Variants in ZDHHC6 observed in about 807,000 individuals in gnomAD.
The protein encoded by ZDHHC6 is zDHHC palmitoyltransferase 6, also known as palmitoyltransferase ZDHHC6.
A neutral mutation model predicts 57.8 loss-of-function variants in ZDHHC6; 32 were observed. That is an observed-to-expected ratio of 0.55 (90% CI 0.42 to 0.74). The LOEUF is 0.74. Among genes scored for constraint, ZDHHC6 ranks in the 30% least tolerant of loss-of-function variants. The probability of loss-of-function intolerance (pLI) is 0.00; values close to 1 mark genes in which losing one functional copy is unlikely to be tolerated. For synonymous variants in ZDHHC6, 128 were observed against 158.0 expected (o/e 0.81, Z 1.42); for missense variants, 433 against 500.7 (o/e 0.86, Z 1.29).
chr10:112,434,481 T>C lies in ZDHHC6; in HGVS notation c.736-17A>G, dbSNP rs1308977595. 6.2e-7 allele frequency: 1 copy of C among 1,602,942 alleles called. No homozygotes were observed. The highest frequency in any genetic ancestry group is 1.7e-5 in the Admixed American group (1 of 58,694). Reference sequence around the variant, plus strand: ...ATCTTTAGCCTGTGGGTAACAAAGATATAAGATGGCAGGTGCCTCTGTCTA... The same window carrying C: ...ATCTTTAGCCTGTGGGTAACAAAGACATAAGATGGCAGGTGCCTCTGTCTA... On this transcript the variant is annotated splice_polypyrimidine_tract_variant and intron_variant, in intron 6 of 10. Coordinates refer to ENST00000369405, the MANE Select transcript of ZDHHC6 (RefSeq NM_022494.3).
chr10:112,431,168 C>G (rs1844988171), intron 10 of ZDHHC6, among the ~76,000 whole-genome samples: 1 of 152,156 alleles, frequency 6.6e-6, no homozygotes, highest in Non-Finnish European at 1.5e-5. Flanking sequence ...TAACTAGAGT[C>G]AGGGGGAACT....
upstream of ZDHHC6, chr10:112,447,198 A>G (rs1054714257): frequency 8.0e-5 from 48 of 599,746 alleles, no homozygotes; most frequent in Admixed American, 4.4e-4. Flanking sequence ...CAATTTCCGG[A>G]GAACCGAGAT....
chr10:112,437,447 G>C (rs983858551), intron 6 of ZDHHC6, among the ~76,000 whole-genome samples: 1 of 152,142 alleles, frequency 6.6e-6, no homozygotes, highest in Non-Finnish European at 1.5e-5. Context: ...CACTTGTCAA[G>C]TTTTCAATGT....
At chr10:112,438,212 G>A (rs1444365927) in intron 6 of ZDHHC6, 124 bp downstream of exon 6, 3 of 654,108 alleles carry the variant, frequency 4.6e-6, no homozygotes, top group African/African-American at 3.8e-5. Flanking sequence ...TGGCAGCCAT[G>A]TTTTCACTTT....
intron 6 of ZDHHC6, 52 bp from the exon 7 acceptor site, chr10:112,434,516 C>T (rs1273841090): frequency 7.2e-6 from 11 of 1,534,176 alleles, no homozygotes; most frequent in Non-Finnish European, 9.7e-6. Flanking sequence ...AAGTGGCCTG[C>T]AGTAATATGT....
downstream of ZDHHC6, chr10:112,426,875 G>C (rs141799855): frequency 8.2e-4 from 1,288 of 1,578,866 alleles, 5 homozygotes; most frequent in Admixed American, 1.4e-3. Flanking sequence ...TGCTACCACT[G>C]ATGTTATACT....
At chr10:112,427,411 G>T (rs1844776127), downstream of ZDHHC6, 5 of 1,482,848 alleles carry the variant, frequency 3.4e-6, no homozygotes, top group African/African-American at 2.9e-5. Context: ...GTGAGAAAAT[G>T]GATTAAAAAC....
chr10:112,425,090 T>C, exon 12 of ZDHHC6: 1 of 305,318 alleles, frequency 3.3e-6, no homozygotes, highest in Non-Finnish European at 6.0e-6. Flanking sequence ...ATAACTCCAG[T>C]AGATCCAGGA....
upstream of ZDHHC6, chr10:112,447,276 C>A: frequency 7.5e-7 from 1 of 1,332,366 alleles, no homozygotes. Context: ...CTCTCGGGGG[C>A]ACCTTCCGGG....
intron 10 of ZDHHC6, 54 bp downstream of exon 10, chr10:112,432,186 T>G: frequency 6.5e-7 from 1 of 1,530,398 alleles, no homozygotes; most frequent in Non-Finnish European, 8.8e-7. Context: ...CTTGTAAAAT[T>G]TGGAATTATT....
chr10:112,434,215 C>G, intron 7 of ZDHHC6, 82 bp downstream of exon 7: 1 of 1,371,600 alleles, frequency 7.3e-7, no homozygotes, highest in Admixed American at 2.5e-5. Context: ...TATTTTACTA[C>G]AAAATGTCAC....
In ZDHHC6 at chr10:112,434,277, A is replaced by T; in HGVS notation, c.903+20T>A. 2 of 1,538,498 alleles carry T rather than the reference A, an allele frequency of 1.3e-6. No homozygotes were observed. Among genetic ancestry groups the T allele is most frequent in the Non-Finnish European group, 1.8e-6 (2 of 1,139,590 alleles). ...GAAGGCGAGGCAAAAAGGAAGGGCTATTTGAACAAAAATACTCACTGTTAA... is the reference window on the plus strand; with the variant it reads ...GAAGGCGAGGCAAAAAGGAAGGGCTTTTTGAACAAAAATACTCACTGTTAA... On this transcript the variant is annotated intron_variant, in intron 7 of 10. Transcript: ENST00000369405.
chr10:112,439,212 CAAT>C (rs896682416), intron 5 of ZDHHC6, among the ~76,000 whole-genome samples: 1 of 146,936 alleles, frequency 6.8e-6, no homozygotes, highest in African/African-American at 2.5e-5. Flanking sequence ...AAACAAACAA[CAAT>C]AAAAAAATAA....
downstream of ZDHHC6, chr10:112,425,558 G>T: frequency 1.3e-5 from 14 of 1,070,928 alleles, no homozygotes; most frequent in Non-Finnish European, 1.6e-5. Context: ...AATTTGTATA[G>T]TTGGGTTCAG....
Position 112,445,454 on chromosome 10 carries a change from C to G in ZDHHC6, c.-18G>C. The G allele has an allele frequency of 6.2e-7, 1 of 1,605,954 alleles. No homozygotes were observed. The highest frequency in any genetic ancestry group is 8.5e-7 in the Non-Finnish European group (1 of 1,175,170). On this transcript the variant is annotated 5_prime_UTR_variant, in exon 2 of 11. Coordinates refer to ENST00000369405, the MANE Select transcript of ZDHHC6 (RefSeq NM_022494.3). ...GTACCCATTTTGGCAAGGAAGAATGCCTTCCTACTTTAAAAGAATTATAGA... is the reference window on the plus strand; with the variant it reads ...GTACCCATTTTGGCAAGGAAGAATGGCTTCCTACTTTAAAAGAATTATAGA...
chr10:112,440,937 C>T (rs949846084), intron 4 of ZDHHC6, among the ~76,000 whole-genome samples: 11 of 152,214 alleles, frequency 7.2e-5, no homozygotes, highest in African/African-American at 2.4e-4. Flanking sequence ...CCTCCACCTC[C>T]CAGGTTCAAG....
intron 5 of ZDHHC6, 139 bp from the exon 6 acceptor site, chr10:112,438,528 C>T (rs1219244903): frequency 2.0e-5 from 13 of 652,504 alleles, no homozygotes; most frequent in Non-Finnish European, 2.5e-5. Flanking sequence ...TTAAGTACCA[C>T]AATTACCATG....
upstream of ZDHHC6, chr10:112,447,300 G>A (rs1846874327): frequency 2.0e-6 from 3 of 1,517,534 alleles, no homozygotes; most frequent in East Asian, 7.3e-5. Context: ...CCTAAGCCGC[G>A]GGGCCCCTCG....
downstream of ZDHHC6, chr10:112,426,231 C>G: frequency 1.3e-6 from 2 of 1,589,372 alleles, no homozygotes; most frequent in Non-Finnish European, 1.7e-6. Flanking sequence ...CTCTCATGCC[C>G]TTGCACCTTT....
Sources: gnomAD v4.1 joint callset for allele counts (sites outside exome capture counted in the v4.1 genomes callset) on GRCh38, gnomAD v4.1.1 for gene constraint, MANE v1.5 for transcripts, NCBI Gene and HGNC (gene_info 2026-07-23, HGNC 2026-07-21) for gene names.